Variants in C11orf86 observed in about 807,000 individuals in gnomAD.
C11orf86 encodes uncharacterized protein C11orf86.
C11orf86 carries 13 observed loss-of-function variants against 11.1 expected under a neutral mutation model. The ratio of observed to expected loss-of-function variants is 1.17; its 90% CI spans 0.76 to 1.86. The LOEUF (loss-of-function observed/expected upper bound fraction) is 1.86. Ranked by LOEUF, C11orf86 falls within the 40% of genes most tolerant of loss-of-function variation. The probability of loss-of-function intolerance (pLI) is 0.00; values close to 1 mark genes in which losing one functional copy is unlikely to be tolerated. For missense variants in C11orf86, 144 were observed against 146.5 expected, an observed-to-expected ratio of 0.98 and a Z score of 0.09; for synonymous variants, 86 against 64.7, an observed-to-expected ratio of 1.33 and a Z score of -1.58.
At position 66,976,227 on chromosome 11, in the gene C11orf86, TCTGAGTCAGCCGG is replaced by T; in HGVS notation, c.329_341del (p.Leu110ProfsTer32). 6.4e-7 allele frequency: 1 copy of T among 1,551,314 alleles called. No individual in the cohort carries two copies. The highest frequency in any genetic ancestry group is 8.7e-7 in the Non-Finnish European group (1 of 1,146,974). ...TTGTCGCCATCTTCCCCAGCGTGAC[TCTGAGTCAGCCGG>T]CCTCCCCGTAGCCCACACTGGGCAC... is the stretch of plus-strand genomic sequence containing the variant. On this transcript the variant is annotated frameshift_variant, in exon 2 of 2. Coordinates refer to ENST00000683896, the MANE Select transcript of C11orf86 (RefSeq NM_001353554.2). LOFTEE classifies it high-confidence loss of function.
At position 66,976,616 on chromosome 11, in the gene C11orf86, A is replaced by C. The variant is rs1267432546; in HGVS notation, c.*365A>C. The stretch of plus-strand genomic sequence containing the variant: ...CTCCTGCCCCACACGACCAGCTGTC[A>C]ACTTCCAGGACGGAGCTTGATGAAG... On this transcript the variant is annotated 3_prime_UTR_variant, in exon 2 of 2. Coordinates refer to ENST00000683896, the MANE Select transcript of C11orf86 (RefSeq NM_001353554.2). The C allele has an allele frequency of 1.8e-5, 4 of 225,046 alleles. No individual in the cohort carries two copies. The highest frequency in any genetic ancestry group is 4.5e-5 in the African/African-American group (2 of 44,280). The allele number at this position is 225,046 out of a possible 1,614,324, so 13.9% of individuals were successfully genotyped here. A position where few individuals can be genotyped will look rare whatever the true frequency, so the allele number is the denominator to read the frequency against.
At position 66,976,439 on chromosome 11, in the gene C11orf86, C is replaced by T; in HGVS notation, c.*188C>T. ...CGTGGCTGCCACTCTTAGCTCTGGC[C>T]CTTCCACTCCAGCACTAGCTCTCTT... On this transcript the variant is annotated 3_prime_UTR_variant, in exon 2 of 2. Coordinates refer to ENST00000683896, the MANE Select transcript of C11orf86 (RefSeq NM_001353554.2). 1 of 609,398 alleles carries T rather than the reference C, an allele frequency of 1.6e-6. No individual in the cohort carries two copies. The highest frequency in any genetic ancestry group is 2.9e-6 in the Non-Finnish European group (1 of 340,218). The allele number at this position is 609,398 out of a possible 1,614,324, so 37.7% of individuals were successfully genotyped here.
At position 66,975,628 on chromosome 11, in the gene C11orf86, G is replaced by A. The variant is rs750598640; in HGVS notation, c.266G>A (p.Arg89Gln). Residue 89 changes from arginine to glutamine, a missense_variant, in exon 1 of 2, where the codon CGG becomes CAG. Coordinates refer to ENST00000683896, the MANE Select transcript of C11orf86 (RefSeq NM_001353554.2). ...AGAGGCAGCCGGTGGTGGCTGAGGC[G>A]GTACCAACAGGTATGGCTGTGGGCT... ...QRRGSRWWLR[R>Q]YQQQVRRRWE... is the part of the protein sequence containing the mutation. 1.4e-5 allele frequency: 21 copies of A among 1,550,318 alleles called. No individual in the cohort carries two copies. The highest frequency in any genetic ancestry group is 4.8e-5 in the South Asian group (4 of 84,002).
rs1033356484 is a variant in C11orf86 at position 66,976,217 on chromosome 11, C to T, written c.317C>T (p.Pro106Leu). ...TGGGAGAGCTTTGTCGCCATCTTCC[C>T]CAGCGTGACTCTGAGTCAGCCGGCC... ...RRWESFVAIF[P>L]SVTLSQPASP Residue 106 changes from proline to leucine, a missense_variant, in exon 2 of 2, where the codon CCC becomes CTC. Pro to Leu is a moderately conservative substitution (Grantham distance 98). Transcript: ENST00000683896. The T allele has an allele frequency of 2.6e-6, 4 of 1,551,306 alleles. No homozygotes were observed. The African/African-American group carries it at 5.5e-5, about 21-fold the overall frequency.
Position 66,976,296 on chromosome 11 carries a change from G to T in C11orf86, c.*45G>T. On this transcript the variant is annotated 3_prime_UTR_variant, in exon 2 of 2. Transcript: ENST00000683896. ...GCTAAAGATGCTGGAAGCCATCGTG[G>T]CCCCCTTGCTGTGCCTGGACCAGCC... is the stretch of plus-strand genomic sequence containing the variant. 1 of 1,539,700 alleles carries T rather than the reference G, an allele frequency of 6.5e-7. No homozygotes were observed. Among genetic ancestry groups the T allele is most frequent in the Middle Eastern group, 1.7e-4 (1 of 5,948 alleles).
chr11:66,976,398 C>A lies in C11orf86; in HGVS notation c.*147C>A. 1 of 764,164 alleles carries A rather than the reference C, an allele frequency of 1.3e-6. No homozygotes were observed. Among genetic ancestry groups the A allele is most frequent in the Non-Finnish European group, 2.1e-6 (1 of 467,478 alleles). 47.3% of individuals were successfully genotyped at this position (764,164 alleles called of 1,614,324 possible). A position where few individuals can be genotyped will look rare whatever the true frequency, so the allele number is the denominator to read the frequency against. On this transcript the variant is annotated 3_prime_UTR_variant, in exon 2 of 2. Coordinates refer to ENST00000683896, the MANE Select transcript of C11orf86 (RefSeq NM_001353554.2). ...GGCCCTAGGAGGCTTCTGCCACCAG[C>A]TCACTGGAGTCGCCACGTGGCTGCC...
intron 1 of C11orf86, 78 bp from the exon 2 acceptor site, chr11:66,976,099 C>A: frequency 1.4e-6 from 2 of 1,409,370 alleles, no homozygotes; most frequent in South Asian, 2.5e-5. Flanking sequence ...GGGTCTACCC[C>A]CACCTCGTGG....
chr11:66,975,670 C>T, intron 1 of C11orf86, 32 bp downstream of exon 1: 7 of 1,537,802 alleles, frequency 4.6e-6, no homozygotes, highest in Non-Finnish European at 6.1e-6. Flanking sequence ...TGGAGGGTAC[C>T]ACAGCAGGTG....
chr11:66,975,771 G>T (rs1318139139), intron 1 of C11orf86, 133 bp downstream of exon 1: 1 of 1,348,988 alleles, frequency 7.4e-7, no homozygotes, highest in Non-Finnish European at 9.8e-7. Flanking sequence ...AGATGAGGGT[G>T]CAGAGAGAGA....
In C11orf86 at chr11:66,976,465, T is replaced by C; in HGVS notation, c.*214T>C. The C allele has an allele frequency of 1.7e-6, 1 of 587,416 alleles. No homozygotes were observed. Among genetic ancestry groups the C allele is most frequent in the Non-Finnish European group, 3.0e-6 (1 of 328,346 alleles). 36.4% of individuals were successfully genotyped at this position (587,416 alleles called of 1,614,324 possible). ...CTTCCACTCCAGCACTAGCTCTCTTTGAAGATCCCAGCAGGGTCAAAAAGA... is the reference window on the plus strand; with the variant it reads ...CTTCCACTCCAGCACTAGCTCTCTTCGAAGATCCCAGCAGGGTCAAAAAGA... On this transcript the variant is annotated 3_prime_UTR_variant, in exon 2 of 2. Coordinates refer to ENST00000683896, the MANE Select transcript of C11orf86 (RefSeq NM_001353554.2).
In C11orf86 at chr11:66,975,422, G is replaced by T. The variant is rs781314318; in HGVS notation, c.60G>T (p.Leu20=). ...AGCCCCGACCCTCCTATGGAAAGCT[G>T]CAGGAGCCCTGGGGGAGGCCCCAGG... ...LREPRPSYGK[L]QEPWGRPQEG... The change falls in exon 1 of 2, where the codon CTG becomes CTT. Residue 20 remains leucine, a synonymous_variant. Coordinates refer to ENST00000683896, the MANE Select transcript of C11orf86 (RefSeq NM_001353554.2). 2 of 1,550,974 alleles carry T rather than the reference G, an allele frequency of 1.3e-6. No individual in the cohort carries two copies. Among genetic ancestry groups the T allele is most frequent in the South Asian group, 2.4e-5 (2 of 84,056 alleles).
chr11:66,975,371 A>G lies in C11orf86; in HGVS notation c.9A>G (p.Thr3=). 2 of 1,549,256 alleles carry G rather than the reference A, an allele frequency of 1.3e-6. No individual in the cohort carries two copies. Among genetic ancestry groups the G allele is most frequent in the South Asian group, 1.2e-5 (1 of 83,848 alleles). Residue 3 remains threonine, a synonymous_variant, in exon 1 of 2, where the codon ACA becomes ACG. Coordinates refer to ENST00000683896, the MANE Select transcript of C11orf86 (RefSeq NM_001353554.2). ...CTGCAGCCTCCGGAGCCATGGGAAC[A>G]GGGCTGCGAAGTCAGTCCTTGCGAG... MG[T]GLRSQSLREP...
Position 66,976,708 on chromosome 11 carries a change from T to G in C11orf86, c.*457T>G, listed in dbSNP as rs1343495219. The G allele has an allele frequency of 6.3e-6, 1 of 159,210 alleles. No homozygotes were observed. Among genetic ancestry groups the G allele is most frequent in the Non-Finnish European group, 1.4e-5 (1 of 72,432 alleles). 9.9% of individuals were successfully genotyped at this position (159,210 alleles called of 1,614,324 possible). A position where few individuals can be genotyped will look rare whatever the true frequency, so the allele number is the denominator to read the frequency against. ...CTGGGCCATGACCCAACTGCCCTTC[T>G]TGTCAGTTGCTGATGGTGGGCCAGG... On this transcript the variant is annotated 3_prime_UTR_variant, in exon 2 of 2. Coordinates refer to ENST00000683896, the MANE Select transcript of C11orf86 (RefSeq NM_001353554.2).
rs1949795545 is a variant in C11orf86, at chr11:66,976,999, GAA to G, written c.*752_*753del. On this transcript the variant is annotated 3_prime_UTR_variant, in exon 2 of 2. Coordinates refer to ENST00000683896, the MANE Select transcript of C11orf86 (RefSeq NM_001353554.2). ...TCGAACACAGTAATAAAGATGCTGA[GAA>G]AAAGTCAACGATTTGCCTGGTGACT... 1 of 152,350 alleles carries G rather than the reference GAA, an allele frequency of 6.6e-6. No homozygotes were observed. The highest frequency in any genetic ancestry group is 2.4e-5 in the African/African-American group (1 of 41,440). 9.4% of individuals were successfully genotyped at this position (152,350 alleles called of 1,614,324 possible).
chr11:66,976,291 T>C lies in C11orf86; in HGVS notation c.*40T>C. Reference sequence around the variant, plus strand: ...CATCAGCTAAAGATGCTGGAAGCCATCGTGGCCCCCTTGCTGTGCCTGGAC... The same window carrying C: ...CATCAGCTAAAGATGCTGGAAGCCACCGTGGCCCCCTTGCTGTGCCTGGAC... On this transcript the variant is annotated 3_prime_UTR_variant, in exon 2 of 2. Transcript: ENST00000683896. 2 of 1,543,138 alleles carry C rather than the reference T, an allele frequency of 1.3e-6. No individual in the cohort carries two copies. Among genetic ancestry groups the C allele is most frequent in the Non-Finnish European group, 1.8e-6 (2 of 1,142,180 alleles).
intron 1 of C11orf86, 129 bp from the exon 2 acceptor site, chr11:66,976,048 C>T (rs1285364067): frequency 4.5e-6 from 4 of 895,480 alleles, no homozygotes; most frequent in Non-Finnish European, 7.0e-6. Context: ...GCTCCCTCCT[C>T]TAAGAGACAG....
At position 66,975,557 on chromosome 11, in the gene C11orf86, G is replaced by C; in HGVS notation, c.195G>C (p.Val65=). Residue 65 remains valine, a synonymous_variant, in exon 1 of 2, where the codon GTG becomes GTC. Coordinates refer to ENST00000683896, the MANE Select transcript of C11orf86 (RefSeq NM_001353554.2). The stretch of plus-strand genomic sequence containing the variant: ...CAGATGCCACTGCCCAGGAGCGGGT[G>C]CCGGGGAGCCTGGGGGACACAGAGC... ...EGPDATAQER[V]PGSLGDTEQL... The C allele has an allele frequency of 6.4e-7, 1 of 1,551,466 alleles. No individual in the cohort carries two copies. The highest frequency in any genetic ancestry group is 2.4e-5 in the East Asian group (1 of 40,920).
chr11:66,975,955 G>A (rs185198409), intron 1 of C11orf86, among the ~76,000 whole-genome samples: 7 of 152,184 alleles, frequency 4.6e-5, no homozygotes, highest in Non-Finnish European at 1.0e-4. Context: ...ATCAGCCAGT[G>A]CAACTTCCTG....
chr11:66,976,240 G>C lies in C11orf86; in HGVS notation c.340G>C (p.Ala114Pro). Residue 114 changes from alanine (A) to proline (P), a missense_variant, in exon 2 of 2, where the codon GCC becomes CCC. Coordinates refer to ENST00000683896, the MANE Select transcript of C11orf86 (RefSeq NM_001353554.2). Reference protein sequence around the residue: ...IFPSVTLSQPASP With the variant: ...IFPSVTLSQPPSP ...CCCCAGCGTGACTCTGAGTCAGCCG[G>C]CCTCCCCGTAGCCCACACTGGGCAC... is the stretch of plus-strand genomic sequence containing the variant. 1 of 1,551,070 alleles carries C rather than the reference G, an allele frequency of 6.4e-7. No individual in the cohort carries two copies. The highest frequency in any genetic ancestry group is 8.7e-7 in the Non-Finnish European group (1 of 1,146,982).
Sources: gnomAD v4.1 joint callset for allele counts (sites outside exome capture counted in the v4.1 genomes callset) on GRCh38, gnomAD v4.1.1 for gene constraint, MANE v1.5 for transcripts, NCBI Gene and HGNC (gene_info 2026-07-23, HGNC 2026-07-21) for gene names.